RHOBTB2: variants seen among roughly 807,000 people sequenced by gnomAD.
RHOBTB2 encodes the protein rho-related BTB domain-containing protein 2.
In RHOBTB2, 39 loss-of-function variants were observed where a neutral mutation model predicts 66.5. That is an observed-to-expected ratio of 0.59 (90% CI 0.45 to 0.77). RHOBTB2 has a LOEUF of 0.77. RHOBTB2 is among the 30% of genes least tolerant of loss of function. The probability of loss-of-function intolerance (pLI) is 0.00; values close to 1 mark genes in which losing one functional copy is unlikely to be tolerated. For synonymous variants in RHOBTB2, 390 were observed against 395.0 expected, an observed-to-expected ratio of 0.99 and a Z score of 0.15; for missense variants, 755 against 999.1, an observed-to-expected ratio of 0.76 and a Z score of 3.29.
rs2430815 is a variant in RHOBTB2 at position 23,007,807 on chromosome 8, T to G, written c.1501+61T>G. 1,331,539 of 1,578,084 alleles carry G rather than the reference T, an allele frequency of 0.84. 562,953 individuals are homozygous for G. Among genetic ancestry groups the G allele is most frequent in the East Asian group, 0.96 (42,778 of 44,586 alleles). ...ATTGGTGCTATTAGCATTGCCTGTC[T>G]GTCTCAGCTCCTGGTGTCCTGGAGC... On this transcript the variant is annotated intron_variant, in intron 5 of 9. Transcript: ENST00000251822.
the RHOBTB2 span, among the ~76,000 whole-genome samples, chr8:22,966,895 A>T: frequency 1.3e-5 from 2 of 152,232 alleles, no homozygotes; most frequent in Admixed American, 1.3e-4. Context: ...TTTTAATACC[A>T]GAAAATAACA....
rs562933105 is a variant in RHOBTB2, at chr8:22,994,226, G to A, written c.-23-335G>A. 2.0e-5 allele frequency among the ~76,000 whole-genome samples: 3 copies of A among 152,344 alleles called. No homozygotes were observed. In the East Asian group the frequency reaches 5.8e-4, roughly 29 times the overall value. On this transcript the variant is annotated intron_variant, in intron 2 of 11. Coordinates refer to the RHOBTB2 transcript ENST00000519685. ...ATTGTCCAGTGTCAAGCAGCTTTGT[G>A]CAGGCAGAATCCAGGCCTCCGATGC...
At chr8:23,005,905 A>G in intron 3 of RHOBTB2, 55 bp from the exon 4 acceptor site, 3 of 1,543,694 alleles carry the variant, frequency 1.9e-6, no homozygotes, top group Non-Finnish European at 2.7e-6. Flanking sequence ...ATGTTCCAGG[A>G]CCAGGTAAGC....
the RHOBTB2 span, among the ~76,000 whole-genome samples, chr8:22,965,962 C>T: frequency 2.7e-4 from 41 of 152,266 alleles, no homozygotes; most frequent in African/African-American, 9.6e-4. Context: ...TCAAAGAACA[C>T]TGTCAACAGA....
At chr8:22,972,700 C>T in the RHOBTB2 span, among the ~76,000 whole-genome samples, 1 of 152,228 alleles carries the variant, frequency 6.6e-6, no homozygotes. Context: ...ACCCTACTCC[C>T]AGCGTTTCAG....
upstream of RHOBTB2, among the ~76,000 whole-genome samples, chr8:22,997,200 G>A (rs1017242868): frequency 1.3e-5 from 2 of 152,176 alleles, no homozygotes; most frequent in East Asian, 3.9e-4. Context: ...ACAGTGACAA[G>A]GGGCTGCAGA....
At chr8:23,007,870 C>T in intron 5 of RHOBTB2, 123 bp from the exon 6 acceptor site, 1 of 1,495,552 alleles carries the variant, frequency 6.7e-7, no homozygotes, top group Non-Finnish European at 9.2e-7. Context: ...TTTTCCCCAG[C>T]TGGGAGCGGG....
intron 1 of RHOBTB2, among the ~76,000 whole-genome samples, chr8:23,002,674 G>A (rs1403177226): frequency 6.6e-6 from 1 of 152,142 alleles, no homozygotes; most frequent in Admixed American, 6.5e-5. Context: ...TGGGTGTCAA[G>A]CGCAAAACTC....
Position 22,999,576 on chromosome 8 carries a change from G to T in RHOBTB2, c.-540G>T. 8.2e-7 allele frequency: 1 copy of T among 1,218,602 alleles called. No individual in the cohort carries two copies. Among genetic ancestry groups the T allele is most frequent in the African/African-American group, 1.7e-5 (1 of 59,564 alleles). 75.5% of individuals were successfully genotyped at this position (1,218,602 alleles called of 1,614,324 possible). ...GCCCGTCACGGCTGTCGTCTTGGGTGCGATTTTTTTCTCCTCCTTTTTTTA... is the reference window on the plus strand; with the variant it reads ...GCCCGTCACGGCTGTCGTCTTGGGTTCGATTTTTTTCTCCTCCTTTTTTTA... On this transcript the variant is annotated 5_prime_UTR_variant, in exon 1 of 10. Coordinates refer to ENST00000251822, the MANE Select transcript of RHOBTB2 (RefSeq NM_015178.3).
chr8:22,956,705 A>G, the RHOBTB2 span, among the ~76,000 whole-genome samples: 1 of 152,176 alleles, frequency 6.6e-6, no homozygotes, highest in Non-Finnish European at 1.5e-5. Flanking sequence ...CTTGTTGCCC[A>G]AGCTGGAGTG....
the RHOBTB2 span, among the ~76,000 whole-genome samples, chr8:22,976,828 A>G: frequency 2.0e-5 from 3 of 151,814 alleles, no homozygotes; most frequent in Admixed American, 2.0e-4. Context: ...GTTTTGCTAT[A>G]TTGGCCAGGC....
the RHOBTB2 span, among the ~76,000 whole-genome samples, chr8:22,960,671 A>G: frequency 6.6e-6 from 1 of 152,174 alleles, no homozygotes; most frequent in African/African-American, 2.4e-5. Context: ...ATCACAGTGC[A>G]CAGCTAAAAT....
In RHOBTB2 at chr8:23,008,937, A is replaced by G. The variant is rs200342546; in HGVS notation, c.1620+826A>G. ...GTTTGCATATGAAAGGCACACTTGC[A>G]GGCAACTCCTTCACTATCCCTAGGA... On this transcript the variant is annotated intron_variant, in intron 6 of 9. Transcript: ENST00000251822. Among the ~76,000 whole-genome samples the G allele has an allele frequency of 2.6e-5, 4 of 152,096 alleles. No homozygotes were observed. The East Asian group carries it at 7.7e-4, about 29-fold the overall frequency.
At chr8:22,953,005 AC>A in the RHOBTB2 span, among the ~76,000 whole-genome samples, 1 of 152,102 alleles carries the variant, frequency 6.6e-6, no homozygotes, top group Non-Finnish European at 1.5e-5. Context: ...ATGGCCTTTG[AC>A]TTGGGGTCTT....
chr8:22,959,885 C>T, the RHOBTB2 span, among the ~76,000 whole-genome samples: 7 of 151,178 alleles, frequency 4.6e-5, no homozygotes, highest in East Asian at 3.9e-4. Context: ...AAATGTTGGC[C>T]GGGTGTGGTG....
chr8:22,971,540 C>G, the RHOBTB2 span, among the ~76,000 whole-genome samples: 1 of 152,154 alleles, frequency 6.6e-6, no homozygotes, highest in African/African-American at 2.4e-5. Flanking sequence ...ACTGCCTCCA[C>G]TTCTACAAAC....
the RHOBTB2 span, among the ~76,000 whole-genome samples, chr8:22,970,943 A>G: frequency 6.6e-6 from 1 of 152,208 alleles, no homozygotes; most frequent in East Asian, 1.9e-4. Context: ...CTCCAGTGTA[A>G]TCATTACAAA....
In RHOBTB2 at chr8:23,007,980, T is replaced by G; in HGVS notation, c.1502-13T>G. ...TCTTTCACCAGTCCTCCTGTGATGC[T>G]TCTTCTGGACAGATGTGACCTTCAT... is the stretch of plus-strand genomic sequence containing the variant. On this transcript the variant is annotated splice_polypyrimidine_tract_variant and intron_variant, in intron 5 of 9. Coordinates refer to ENST00000251822, the MANE Select transcript of RHOBTB2 (RefSeq NM_015178.3). 1.9e-6 allele frequency: 3 copies of G among 1,610,258 alleles called. No homozygotes were observed. In the South Asian group the frequency reaches 3.3e-5, roughly 18 times the overall value.
chr8:22,999,914 G>T lies in RHOBTB2; in HGVS notation c.-202G>T. ...CCGCTCCTGGGCCCACGTCCGGCCT[G>T]GGCTGCCCTGCCGGAGTTTCTGAGT... On this transcript the variant is annotated 5_prime_UTR_variant, in exon 1 of 10. Transcript: ENST00000251822. 1.0e-6 allele frequency: 1 copy of T among 985,340 alleles called. No homozygotes were observed. The highest frequency in any genetic ancestry group is 1.2e-6 in the Non-Finnish European group (1 of 829,910). The allele number at this position is 985,340 out of a possible 1,614,324, so 61.0% of individuals were successfully genotyped here.
Sources: gnomAD v4.1 joint callset for allele counts (sites outside exome capture counted in the v4.1 genomes callset) on GRCh38, gnomAD v4.1.1 for gene constraint, MANE v1.5 for transcripts, NCBI Gene and HGNC (gene_info 2026-07-23, HGNC 2026-07-21) for gene names.